MAP7D1: variants seen among roughly 807,000 people sequenced by gnomAD.
MAP7D1 encodes the protein MAP7 domain containing 1.
In MAP7D1, 30 loss-of-function variants were observed where a neutral mutation model predicts 97.5. That is an observed-to-expected ratio of 0.31 (90% CI 0.23 to 0.42). MAP7D1 has a LOEUF of 0.42. Ranked by LOEUF, MAP7D1 falls within the 10% of genes least tolerant of loss-of-function variation. The pLI, the probability that MAP7D1 is intolerant of heterozygous loss-of-function variation, is 1.00. For missense variants in MAP7D1, 1,184 were observed against 1,179.5 expected (o/e 1.00, Z -0.06); for synonymous variants, 536 against 477.1 (o/e 1.12, Z -1.61).
intron 11 of MAP7D1, 40 bp downstream of exon 11, chr1:36,178,863 G>A (rs1433763261): frequency 1.9e-6 from 3 of 1,545,808 alleles, no homozygotes; most frequent in Non-Finnish European, 2.6e-6. Flanking sequence ...CGCGGGCGCC[G>A]CGGGCCGGGA....
In MAP7D1 at chr1:36,176,554, G is replaced by T; in HGVS notation, c.1206G>T (p.Pro402=). 1.4e-6 allele frequency: 2 copies of T among 1,460,990 alleles called. No homozygotes were observed. The highest frequency in any genetic ancestry group is 2.6e-5 in the Admixed American group (1 of 38,426). The allele number at this position is 1,460,990 out of a possible 1,614,324, so 90.5% of individuals were successfully genotyped here. ...RKPNAGGSPA[P]VRRRPEASPV... is the part of the protein sequence containing the mutation. Reference sequence around the variant, plus strand: ...CCAACGCCGGGGGCAGCCCCGCTCCGGTGCGCCGCCGGCCGGAGGCCTCGC... The same window carrying T: ...CCAACGCCGGGGGCAGCCCCGCTCCTGTGCGCCGCCGGCCGGAGGCCTCGC... The change falls in exon 7 of 17, where the codon CCG becomes CCT. Residue 402 remains proline (P), a synonymous_variant. Coordinates refer to ENST00000474796, the MANE Select transcript of MAP7D1 (RefSeq NM_001388490.1). The surrounding 1 kb of genome is among the most constrained non-coding windows in gnomAD (Gnocchi z 6.1).
At chr1:36,156,578 A>T in intron 1 of MAP7D1, 115 bp downstream of exon 1, 2 of 803,614 alleles carry the variant, frequency 2.5e-6, no homozygotes, top group Non-Finnish European at 3.5e-6. Flanking sequence ...CCCTCTGACC[A>T]CTTGGAAGTT....
intron 5 of MAP7D1, 122 bp from the exon 6 acceptor site, chr1:36,174,776 C>A (rs1458090950): frequency 9.0e-6 from 3 of 334,802 alleles, no homozygotes; most frequent in South Asian, 2.2e-5. Context: ...TGCTCCTCAT[C>A]CTAGCCTGCC....
At chr1:36,167,680 G>C (rs2124218440) in intron 1 of MAP7D1, among the ~76,000 whole-genome samples, 1 of 152,304 alleles carries the variant, frequency 6.6e-6, no homozygotes, top group South Asian at 2.1e-4. Flanking sequence ...TCCTCAGTCA[G>C]GCCTGTCAGA....
rs1432455953 is a variant in MAP7D1 at position 36,179,529 on chromosome 1, G to A, written c.2199G>A (p.Lys733=). ...EVSETKKQDS[K]EANANGSSPE... Reference sequence around the variant, plus strand: ...CTTCAAAGCAGAAGCAGGACAGCAAGGAGGCCAACGCCAACGGTTCCAGCC... The same window carrying A: ...CTTCAAAGCAGAAGCAGGACAGCAAAGAGGCCAACGCCAACGGTTCCAGCC... Residue 733 remains lysine (K), a synonymous_variant, in exon 14 of 17, where the codon AAG becomes AAA. Coordinates refer to ENST00000474796, the MANE Select transcript of MAP7D1 (RefSeq NM_001388490.1). 15 of 1,577,290 alleles carry A rather than the reference G, an allele frequency of 9.5e-6. No homozygotes were observed. The highest frequency in any genetic ancestry group is 1.3e-5 in the Non-Finnish European group (15 of 1,160,508).
Position 36,176,671 on chromosome 1 carries a change from C to T in MAP7D1, c.1234-26C>T. On this transcript the variant is annotated intron_variant, in intron 7 of 16. Transcript: ENST00000474796. The surrounding 1 kb of genome is among the most constrained non-coding windows in gnomAD (Gnocchi z 6.1). Reference sequence around the variant, plus strand: ...GCGGGCGCTGCTGACCTCTACTCTCCTCTTCCGTTCCTCCTTCCCTGCCAG... The same window carrying T: ...GCGGGCGCTGCTGACCTCTACTCTCTTCTTCCGTTCCTCCTTCCCTGCCAG... 4 of 1,606,308 alleles carry T rather than the reference C, an allele frequency of 2.5e-6. No homozygotes were observed. The South Asian group carries it at 3.4e-5, about 13-fold the overall frequency.
chr1:36,164,364 A>T (rs1644448881), intron 1 of MAP7D1, among the ~76,000 whole-genome samples: 1 of 152,210 alleles, frequency 6.6e-6, no homozygotes, highest in Non-Finnish European at 1.5e-5. Context: ...CATGCAAGGA[A>T]GTTTAAAATC....
In MAP7D1 at chr1:36,176,755, T is replaced by C. The variant is rs1263688069; in HGVS notation, c.1292T>C (p.Leu431Pro). The change falls in exon 8 of 17, where the codon CTA becomes CCA. Residue 431 changes from leucine (L) to proline (P), a missense_variant. Leu to Pro is a moderately conservative substitution (Grantham distance 98). Transcript: ENST00000474796. The surrounding 1 kb of genome is among the most constrained non-coding windows in gnomAD (Gnocchi z 6.1). ...ERENEKEKSA[L>P]ARERSLKKRQ... Reference sequence around the variant, plus strand: ...GAAAACGAGAAGGAGAAGAGTGCCCTAGCCCGGGAGCGCAGCCTCAAGAAG... The same window carrying C: ...GAAAACGAGAAGGAGAAGAGTGCCCCAGCCCGGGAGCGCAGCCTCAAGAAG... 7.5e-6 allele frequency: 12 copies of C among 1,604,278 alleles called. No homozygotes were observed. The highest frequency in any genetic ancestry group is 3.4e-5 in the Admixed American group (2 of 58,388).
At chr1:36,165,040 G>A (rs1215379885) in intron 1 of MAP7D1, among the ~76,000 whole-genome samples, 1 of 152,202 alleles carries the variant, frequency 6.6e-6, no homozygotes, top group African/African-American at 2.4e-5. Flanking sequence ...TGGTGTTAAT[G>A]CCTATGGAGA....
intron 1 of MAP7D1, among the ~76,000 whole-genome samples, chr1:36,165,471 T>TC (rs2124212632): frequency 6.6e-6 from 1 of 151,214 alleles, no homozygotes; most frequent in South Asian, 2.1e-4. Context: ...TTTCTTTTTT[T>TC]TTTTTTTTAG....
chr1:36,176,639 G>A lies in MAP7D1; in HGVS notation c.1233+58G>A, dbSNP rs1461125770. 1.3e-6 allele frequency: 2 copies of A among 1,584,144 alleles called. No individual in the cohort carries two copies. Among genetic ancestry groups the A allele is most frequent in the South Asian group, 2.3e-5 (2 of 87,986 alleles). On this transcript the variant is annotated intron_variant, in intron 7 of 16. Coordinates refer to ENST00000474796, the MANE Select transcript of MAP7D1 (RefSeq NM_001388490.1). The surrounding 1 kb of genome is among the most constrained non-coding windows in gnomAD (Gnocchi z 6.1). ...AGGTGGGGACAGGCAGCCTGGAACT[G>A]GGGTACGCGGGCGCTGCTGACCTCT...
At chr1:36,179,145 C>G (rs1644678616) in intron 12 of MAP7D1, 117 bp from the exon 13 acceptor site, 14 of 1,483,696 alleles carry the variant, frequency 9.4e-6, no homozygotes, top group Non-Finnish European at 1.3e-5. Context: ...AGTTCCTGTC[C>G]TGGAGAGGGC....
intron 1 of MAP7D1, among the ~76,000 whole-genome samples, chr1:36,167,814 C>G (rs1049746960): frequency 6.6e-6 from 1 of 152,214 alleles, no homozygotes; most frequent in African/African-American, 2.4e-5. Context: ...TTGCTGGGGA[C>G]TCACTGACTG....
chr1:36,179,773 C>T lies in MAP7D1; in HGVS notation c.2318+17C>T, dbSNP rs1644690314. On this transcript the variant is annotated intron_variant, in intron 15 of 16. Transcript: ENST00000474796. ...TCAGTGGAGGTACCAGCTTCCAATC[C>T]CAGGGTCCCTGAGCAGGGAGGCAGA... 1 of 1,537,404 alleles carries T rather than the reference C, an allele frequency of 6.5e-7. No homozygotes were observed. The highest frequency in any genetic ancestry group is 1.4e-5 in the African/African-American group (1 of 72,362).
chr1:36,175,443 G>T (rs1644605033), intron 6 of MAP7D1, among the ~76,000 whole-genome samples: 1 of 152,188 alleles, frequency 6.6e-6, no homozygotes, highest in African/African-American at 2.4e-5. Context: ...ACCCTAGAGG[G>T]CCCATGCAAT....
At chr1:36,162,146 C>T (rs1228976964) in intron 1 of MAP7D1, among the ~76,000 whole-genome samples, 1 of 152,198 alleles carries the variant, frequency 6.6e-6, no homozygotes, top group African/African-American at 2.4e-5. Flanking sequence ...GCCTCTGCCT[C>T]TCCCATGCTT....
intron 1 of MAP7D1, among the ~76,000 whole-genome samples, chr1:36,165,524 A>G (rs1644463245): frequency 6.8e-6 from 1 of 147,932 alleles, no homozygotes. Context: ...GTACAGCAGC[A>G]TGCTCATAGT....
rs777725132 is a variant in MAP7D1, at chr1:36,179,958, C to T, written c.2403C>T (p.Asn801=). 4 of 1,614,196 alleles carry T rather than the reference C, an allele frequency of 2.5e-6. No homozygotes were observed. Among genetic ancestry groups the T allele is most frequent in the South Asian group, 1.1e-5 (1 of 91,088 alleles). Residue 801 remains asparagine, a synonymous_variant, in exon 16 of 17, where the codon AAC becomes AAT. Transcript: ENST00000474796. ...PAHQENGFST[N]GPSGDKSLSR... ...ACCAGGAGAATGGCTTCTCCACCAA[C>T]GGACCCTCTGGGGACAAGAGTCTGA...
chr1:36,164,012 A>T (rs1423495740), intron 1 of MAP7D1, among the ~76,000 whole-genome samples: 2 of 151,744 alleles, frequency 1.3e-5, no homozygotes, highest in Non-Finnish European at 2.9e-5. Flanking sequence ...TTTAGTAGAC[A>T]TGGGGTTTTG....
Sources: gnomAD v4.1 joint callset for allele counts (sites outside exome capture counted in the v4.1 genomes callset) on GRCh38, gnomAD v4.1.1 for gene constraint, Gnocchi (gnomAD v3.1) non-coding constraint, MANE v1.5 for transcripts, NCBI Gene and HGNC (gene_info 2026-07-23, HGNC 2026-07-21) for gene names.